The following PLA2G4A variants were observed in gnomAD, a reference collection of about 807,000 sequenced individuals.
The protein encoded by PLA2G4A is phospholipase A2 group IVA, also known as cytosolic phospholipase A2.
A neutral mutation model predicts 81.9 loss-of-function variants in PLA2G4A; 40 were observed. That is an observed-to-expected ratio of 0.49 (90% CI 0.38 to 0.64). The LOEUF is 0.64. Ranked by LOEUF, PLA2G4A falls within the 30% of genes least tolerant of loss-of-function variation. The pLI is 0.00. For missense variants in PLA2G4A, 715 were observed against 905.1 expected, an observed-to-expected ratio of 0.79 and a Z score of 2.69; for synonymous variants, 302 against 296.9, an observed-to-expected ratio of 1.02 and a Z score of -0.18.
intron 7 of PLA2G4A, 85 bp from the exon 8 acceptor site, chr1:186,932,678 T>C: frequency 7.8e-7 from 1 of 1,278,250 alleles, no homozygotes; most frequent in African/African-American, 1.5e-5. Context: ...AAATATGGGA[T>C]GTATAACATA....
intron 10 of PLA2G4A, among the ~76,000 whole-genome samples, chr1:186,940,537 C>T (rs551524266): frequency 6.6e-6 from 1 of 152,164 alleles, no homozygotes; most frequent in Admixed American, 6.5e-5. Flanking sequence ...TCAGTGGCTG[C>T]TCAAGCCCCA....
At chr1:186,870,189 C>A (rs1372416921) in intron 2 of PLA2G4A, among the ~76,000 whole-genome samples, 1 of 152,088 alleles carries the variant, frequency 6.6e-6, no homozygotes, top group Non-Finnish European at 1.5e-5. Flanking sequence ...TTACCAAGTG[C>A]TTGGTAAACT....
chr1:186,870,517 G>GT lies in PLA2G4A; in HGVS notation c.115+2dup. 2 of 1,597,360 alleles carry GT rather than the reference G, an allele frequency of 1.3e-6. No homozygotes were observed. On this transcript the variant is annotated splice_donor_variant, in intron 3 of 17. Transcript: ENST00000367466. LOFTEE classifies it high-confidence loss of function. The stretch of plus-strand genomic sequence containing the variant: ...ACAAAGGGGGCCTTTGGTGACATGC[G>GT]TAAGTGCCCTTTTTTTCTTTGCTGT...
At chr1:186,936,263 C>T (rs1030129896) in intron 8 of PLA2G4A, among the ~76,000 whole-genome samples, 4 of 151,744 alleles carry the variant, frequency 2.6e-5, no homozygotes, top group African/African-American at 9.7e-5. Context: ...ATTCTTAGAA[C>T]AATGAAAAAA....
chr1:186,959,700 C>T (rs984287377), intron 14 of PLA2G4A, among the ~76,000 whole-genome samples: 3 of 152,084 alleles, frequency 2.0e-5, no homozygotes, highest in East Asian at 1.9e-4. Flanking sequence ...ATTTACCTCC[C>T]TCTGGTTGTT....
At chr1:186,871,656 C>T (rs1005398170) in intron 3 of PLA2G4A, among the ~76,000 whole-genome samples, 27 of 151,956 alleles carry the variant, frequency 1.8e-4, no homozygotes, top group South Asian at 1.2e-3. Flanking sequence ...GAATAGATAA[C>T]GGAGGTGGGG....
At chr1:186,854,979 T>G (rs763994617) in intron 2 of PLA2G4A, among the ~76,000 whole-genome samples, 1 of 152,098 alleles carries the variant, frequency 6.6e-6, no homozygotes, top group East Asian at 1.9e-4. Context: ...CTCAGGTTTA[T>G]AAGAAGTAGA....
intron 8 of PLA2G4A, among the ~76,000 whole-genome samples, chr1:186,933,990 A>G (rs1476975436): frequency 6.6e-6 from 1 of 152,134 alleles, no homozygotes; most frequent in African/African-American, 2.4e-5. Context: ...AAAAACTTAG[A>G]GCCATCATTG....
intron 8 of PLA2G4A, among the ~76,000 whole-genome samples, chr1:186,934,443 C>T (rs368297898): frequency 3.0e-4 from 30 of 99,562 alleles, no homozygotes; most frequent in Admixed American, 7.6e-4. Context: ...TAAATGTGCA[C>T]ATATATATAT....
At chr1:186,946,589 A>AT in intron 10 of PLA2G4A, 48 bp from the exon 11 acceptor site, 5 of 1,330,272 alleles carry the variant, frequency 3.8e-6, no homozygotes, top group Non-Finnish European at 5.4e-6. Context: ...ACACCATGCC[A>AT]TAGCATTTTC....
At chr1:186,908,796 A>G (rs1654829297) in intron 6 of PLA2G4A, among the ~76,000 whole-genome samples, 1 of 151,846 alleles carries the variant, frequency 6.6e-6, no homozygotes, top group South Asian at 2.1e-4. Context: ...AAACCTGCAA[A>G]ATGAAAACCT....
At chr1:186,987,357 C>T (rs772438053) in intron 17 of PLA2G4A, among the ~76,000 whole-genome samples, 2 of 152,240 alleles carry the variant, frequency 1.3e-5, no homozygotes, top group African/African-American at 2.4e-5. Flanking sequence ...AGTATTCCTA[C>T]CTGTGGCAAG....
intron 15 of PLA2G4A, among the ~76,000 whole-genome samples, chr1:186,972,631 C>T (rs1368879952): frequency 2.0e-5 from 3 of 152,036 alleles, no homozygotes; most frequent in Admixed American, 6.6e-5. Flanking sequence ...AAATCTGGCT[C>T]AGTTTTTCAG....
rs1370708033 is a variant in PLA2G4A at position 186,940,234 on chromosome 1, A to G, written c.1033+140A>G. 4.5e-6 allele frequency: 3 copies of G among 666,990 alleles called. No homozygotes were observed. In the African/African-American group the frequency reaches 5.4e-5, roughly 12 times the overall value. 41.3% of individuals were successfully genotyped at this position (666,990 alleles called of 1,614,324 possible). A position where few individuals can be genotyped will look rare whatever the true frequency, so the allele number is the denominator to read the frequency against. ...TGTAACATAAGACTTTGAAGATATA[A>G]GAAAATATTAAGTGAGATGATTTCC... On this transcript the variant is annotated intron_variant, in intron 10 of 17. Transcript: ENST00000367466.
chr1:186,937,427 A>G (rs1655991502), intron 8 of PLA2G4A, among the ~76,000 whole-genome samples: 2 of 143,310 alleles, frequency 1.4e-5, no homozygotes, highest in Non-Finnish European at 3.0e-5. Context: ...GTATCTTTCA[A>G]GTATTCAAAG....
At chr1:186,867,848 T>G (rs190581059) in intron 2 of PLA2G4A, among the ~76,000 whole-genome samples, 1 of 152,118 alleles carries the variant, frequency 6.6e-6, no homozygotes, top group Non-Finnish European at 1.5e-5. Flanking sequence ...TAGATGTCCT[T>G]TATCAAGTTG....
chr1:186,867,347 T>C (rs1210975802), intron 2 of PLA2G4A, among the ~76,000 whole-genome samples: 2 of 152,190 alleles, frequency 1.3e-5, no homozygotes, highest in East Asian at 3.8e-4. Flanking sequence ...GGAATATCTC[T>C]CCATTTATTT....
intron 13 of PLA2G4A, among the ~76,000 whole-genome samples, chr1:186,951,488 A>G (rs985843528): frequency 7.2e-5 from 11 of 152,144 alleles, no homozygotes; most frequent in African/African-American, 2.2e-4. Context: ...AAAAACAACA[A>G]CAACAAAAAA....
chr1:186,941,949 G>A (rs548822877), intron 10 of PLA2G4A, among the ~76,000 whole-genome samples: 7 of 152,268 alleles, frequency 4.6e-5, no homozygotes, highest in African/African-American at 1.4e-4. Context: ...GACAAAGTAT[G>A]TAAACAATGG....
Sources: gnomAD v4.1 joint callset for allele counts (sites outside exome capture counted in the v4.1 genomes callset) on GRCh38, gnomAD v4.1.1 for gene constraint, MANE v1.5 for transcripts, NCBI Gene and HGNC (gene_info 2026-07-23, HGNC 2026-07-21) for gene names.